Variants in CACHD1 observed in about 807,000 individuals in gnomAD.
The protein encoded by CACHD1 is VWFA and cache domain-containing protein 1.
Under a neutral mutation model 138.7 loss-of-function variants are expected in CACHD1, and 71 were observed. That is an observed-to-expected ratio of 0.51 (90% CI 0.42 to 0.62). The LOEUF (loss-of-function observed/expected upper bound fraction) is 0.62. Ranked by LOEUF, CACHD1 falls within the 20% of genes least tolerant of loss-of-function variation. The pLI, the probability that CACHD1 is intolerant of heterozygous loss-of-function variation, is 0.00. For missense variants in CACHD1, 1,389 were observed against 1,625.3 expected (o/e 0.85, Z 2.50); for synonymous variants, 578 against 591.5 (o/e 0.98, Z 0.33).
At chr1:64,482,540 C>T (rs1439127617) in intron 1 of CACHD1, among the ~76,000 whole-genome samples, 2 of 152,108 alleles carry the variant, frequency 1.3e-5, no homozygotes, top group East Asian at 3.9e-4. Flanking sequence ...TTGTTGCTGC[C>T]CTGAGTGGTT....
chr1:64,476,167 C>T (rs1332701961), intron 1 of CACHD1, among the ~76,000 whole-genome samples: 1 of 152,196 alleles, frequency 6.6e-6, no homozygotes, highest in South Asian at 2.1e-4. Context: ...ATCAGTAGTT[C>T]ATTAGATGTT....
chr1:64,653,386 TA>T (rs60661882), intron 10 of CACHD1, among the ~76,000 whole-genome samples: 1,588 of 108,462 alleles, frequency 0.015, 11 homozygotes, highest in Middle Eastern at 0.032. Context: ...TAAAAGAAGT[TA>T]AAAAAAAAAA....
chr1:64,553,660 G>A (rs1478956338), intron 2 of CACHD1, among the ~76,000 whole-genome samples: 1 of 152,076 alleles, frequency 6.6e-6, no homozygotes, highest in Non-Finnish European at 1.5e-5. Context: ...CTAAAGAAAT[G>A]AAGCATTACC....
chr1:64,594,580 C>T (rs751576839), intron 3 of CACHD1, among the ~76,000 whole-genome samples: 3 of 152,168 alleles, frequency 2.0e-5, no homozygotes, highest in Non-Finnish European at 4.4e-5. Flanking sequence ...TAGCAGAAAG[C>T]GCCTGCATTT....
At chr1:64,636,728 C>T (rs1408947388) in intron 7 of CACHD1, among the ~76,000 whole-genome samples, 1 of 152,138 alleles carries the variant, frequency 6.6e-6, no homozygotes, top group Non-Finnish European at 1.5e-5. Context: ...CCCACTTTCC[C>T]TTTTGATTTA....
At chr1:64,676,046 G>A (rs1649981728) in intron 21 of CACHD1, 63 bp downstream of exon 21, 1 of 572,336 alleles carries the variant, frequency 1.7e-6, no homozygotes, top group South Asian at 6.5e-5. Flanking sequence ...TAATACATAT[G>A]TAATACTGTG....
chr1:64,687,216 A>G (rs1650398275), intron 26 of CACHD1, among the ~76,000 whole-genome samples: 1 of 152,190 alleles, frequency 6.6e-6, no homozygotes, highest in Non-Finnish European at 1.5e-5. Context: ...GTCAGGGACT[A>G]TGTCTGTCTT....
At chr1:64,616,040 T>A (rs1647696362) in intron 4 of CACHD1, among the ~76,000 whole-genome samples, 1 of 152,210 alleles carries the variant, frequency 6.6e-6, no homozygotes, top group African/African-American at 2.4e-5. Flanking sequence ...TGACTCCTAG[T>A]CAATGGCCTC....
intron 13 of CACHD1, among the ~76,000 whole-genome samples, chr1:64,659,565 G>A (rs896810780): frequency 2.6e-5 from 4 of 152,166 alleles, no homozygotes; most frequent in African/African-American, 9.7e-5. Flanking sequence ...TTTCACCTGA[G>A]TTGACATGTG....
At chr1:64,630,389 C>T (rs1648260512) in intron 5 of CACHD1, among the ~76,000 whole-genome samples, 1 of 151,856 alleles carries the variant, frequency 6.6e-6, no homozygotes, top group African/African-American at 2.4e-5. Context: ...CAAACTCTGC[C>T]TCCCGGGTTC....
intron 1 of CACHD1, among the ~76,000 whole-genome samples, chr1:64,488,292 A>G (rs955797669): frequency 1.3e-5 from 2 of 152,228 alleles, no homozygotes; most frequent in Non-Finnish European, 2.9e-5. Flanking sequence ...ATTGAGGTGA[A>G]GTATGAAAAC....
At chr1:64,511,763 A>G (rs982822082) in intron 1 of CACHD1, among the ~76,000 whole-genome samples, 4 of 152,216 alleles carry the variant, frequency 2.6e-5, no homozygotes, top group Non-Finnish European at 5.9e-5. Context: ...GAGTTGGGAA[A>G]GCTAGACAGC....
At chr1:64,581,558 C>T (rs921311541) in intron 2 of CACHD1, among the ~76,000 whole-genome samples, 3 of 152,134 alleles carry the variant, frequency 2.0e-5, no homozygotes, top group Non-Finnish European at 2.9e-5. Flanking sequence ...ATTTGTTCAT[C>T]TTAAAGGTGT....
At chr1:64,602,395 G>T (rs1247399464) in intron 3 of CACHD1, among the ~76,000 whole-genome samples, 3 of 149,960 alleles carry the variant, frequency 2.0e-5, no homozygotes. Flanking sequence ...GTCTATTTTT[G>T]TACTTGGTCA....
intron 1 of CACHD1, among the ~76,000 whole-genome samples, chr1:64,514,382 C>G (rs370016443): frequency 3.2e-4 from 49 of 152,300 alleles, no homozygotes; most frequent in African/African-American, 1.0e-3. Context: ...TGGCTCTTTT[C>G]AAGAGGTGTC....
intron 26 of CACHD1, among the ~76,000 whole-genome samples, chr1:64,689,780 A>G (rs1650484116): frequency 6.6e-6 from 1 of 152,104 alleles, no homozygotes; most frequent in Non-Finnish European, 1.5e-5. Flanking sequence ...TCCTTTCTTT[A>G]TATCCACTTA....
intron 2 of CACHD1, among the ~76,000 whole-genome samples, chr1:64,567,460 T>C (rs1018195475): frequency 6.6e-6 from 1 of 152,164 alleles, no homozygotes; most frequent in Admixed American, 6.5e-5. Context: ...TTCAACATGA[T>C]AGTTTGTATT....
At position 64,659,469 on chromosome 1, in the gene CACHD1, A is replaced by G. The variant is rs559532019; in HGVS notation, c.1951+596A>G. The stretch of plus-strand genomic sequence containing the variant: ...CAGCAGTAATCTACCACAGATTCCT[A>G]TCTTCAAAAGGGCTTAGGAATTCGA... On this transcript the variant is annotated intron_variant, in intron 13 of 26. Transcript: ENST00000651257. Among the ~76,000 whole-genome samples the G allele has an allele frequency of 5.9e-5, 9 of 152,366 alleles. No individual in the cohort carries two copies. The South Asian group carries it at 1.9e-3, about 32-fold the overall frequency.
chr1:64,588,597 C>T (rs111617770), intron 3 of CACHD1, among the ~76,000 whole-genome samples: 9 of 152,004 alleles, frequency 5.9e-5, no homozygotes, highest in African/African-American at 1.7e-4. Context: ...AGGCTGGTCT[C>T]GAACTCCTGG....
Sources: gnomAD v4.1 joint callset for allele counts (sites outside exome capture counted in the v4.1 genomes callset) on GRCh38, gnomAD v4.1.1 for gene constraint, MANE v1.5 for transcripts, NCBI Gene and HGNC (gene_info 2026-07-23, HGNC 2026-07-21) for gene names.